LRP1: variants seen among roughly 807,000 people sequenced by gnomAD.
LRP1 encodes LDL receptor related protein 1.
Under a neutral mutation model 541.5 loss-of-function variants are expected in LRP1, and 51 were observed. The observed-to-expected ratio is 0.09, with a 90% confidence interval of 0.08 to 0.12. The LOEUF is 0.12. Among genes scored for constraint, LRP1 ranks in the 10% least tolerant of loss-of-function variants. The pLI, the probability that LRP1 is intolerant of heterozygous loss-of-function variation, is 1.00. For synonymous variants in LRP1, 2,219 were observed against 2,470.8 expected (o/e 0.90, Z 3.02); for missense variants, 3,878 against 6,376.2 (o/e 0.61, Z 13.34).
chr12:57,200,327 C>G, intron 62 of LRP1, 115 bp from the exon 63 acceptor site: 1 of 729,324 alleles, frequency 1.4e-6, no homozygotes, highest in Non-Finnish European at 2.4e-6. Context: ...CCAACCTGCC[C>G]CATAACACCC....
rs771966239 is a variant in LRP1, at chr12:57,173,727, AG to A, written c.3347-48del. 22 of 1,577,012 alleles carry A rather than the reference AG, an allele frequency of 1.4e-5. No individual in the cohort carries two copies. Among genetic ancestry groups the A allele is most frequent in the Non-Finnish European group, 1.7e-5 (20 of 1,146,892 alleles). On this transcript the variant is annotated intron_variant, in intron 21 of 88. Coordinates refer to ENST00000243077, the MANE Select transcript of LRP1 (RefSeq NM_002332.3). The surrounding 1 kb of genome is among the most constrained non-coding windows in gnomAD (Gnocchi z 4.7). The stretch of plus-strand genomic sequence containing the variant: ...GCCCACAGGGTCTGGAAGGAAGGGC[AG>A]GGGGAGCCCCAGTCCCCGGGCCTGG...
intron 44 of LRP1, among the ~76,000 whole-genome samples, chr12:57,192,628 C>G (rs769995299): frequency 4.6e-5 from 7 of 152,366 alleles, no homozygotes; most frequent in Non-Finnish European, 7.3e-5. Flanking sequence ...TAAAAGCACA[C>G]ACATCCTCAA....
At chr12:57,144,375 C>A (rs2035355572) in intron 4 of LRP1, among the ~76,000 whole-genome samples, 1 of 152,160 alleles carries the variant, frequency 6.6e-6, no homozygotes, top group South Asian at 2.1e-4. Context: ...ACTTTTACCA[C>A]AGTTTACTTG....
Position 57,201,688 on chromosome 12 carries a change from A to AC in LRP1, c.10468+74dup. 1 of 1,593,302 alleles carries AC rather than the reference A, an allele frequency of 6.3e-7. No individual in the cohort carries two copies. The highest frequency in any genetic ancestry group is 1.7e-5 in the Admixed American group (1 of 59,244). ...GCTGCTCACACCACCCCGACGTGTG[A>AC]CCCCCTCAGTGGCTGCTCCCTCACT... On this transcript the variant is annotated intron_variant, in intron 66 of 88. Transcript: ENST00000243077. The surrounding 1 kb of genome is among the most constrained non-coding windows in gnomAD (Gnocchi z 6.4).
At chr12:57,142,079 G>A (rs1307672213) in intron 3 of LRP1, among the ~76,000 whole-genome samples, 1 of 152,144 alleles carries the variant, frequency 6.6e-6, no homozygotes, top group Admixed American at 6.5e-5. Context: ...GGCCGAGGTG[G>A]GAACATTAGG....
rs1348124589 is a variant in LRP1, at chr12:57,145,391, G to A, written c.742G>A (p.Gly248Arg). Residue 248 changes from glycine to arginine, a missense_variant, in exon 6 of 89, where the codon GGG (glycine) becomes AGG (arginine). Coordinates refer to ENST00000243077, the MANE Select transcript of LRP1 (RefSeq NM_002332.3). ...ANETVCWVHV[G>R]DSAAQTQLKC... is the part of the protein sequence containing the mutation. ...CGAGACCGTATGCTGGGTGCATGTTGGGGACAGTGCTGCTCAGACGCAGCT... is the reference window on the plus strand; with the variant it reads ...CGAGACCGTATGCTGGGTGCATGTTAGGGACAGTGCTGCTCAGACGCAGCT... 2 of 1,614,050 alleles carry A rather than the reference G, an allele frequency of 1.2e-6. No individual in the cohort carries two copies.
At chr12:57,134,704 T>G (rs1246505480) in intron 1 of LRP1, among the ~76,000 whole-genome samples, 1 of 151,780 alleles carries the variant, frequency 6.6e-6, no homozygotes, top group African/African-American at 2.4e-5. Flanking sequence ...CCTTTCTTTC[T>G]TTCTTTTTTT....
At position 57,210,773 on chromosome 12, in the gene LRP1, GGTGT is replaced by G; in HGVS notation, c.12814_12817del (p.Cys4272ArgfsTer69). On this transcript the variant is annotated frameshift_variant, in exon 83 of 89. Transcript: ENST00000243077. LOFTEE classifies it high-confidence loss of function. ...TCACGGGCCCCAAATGCACCCAGCA[GGTGT>G]GTGCGGGCTACTGTGCCAACAACAG... The G allele has an allele frequency of 6.2e-7, 1 of 1,613,082 alleles. No homozygotes were observed. Among genetic ancestry groups the G allele is most frequent in the Non-Finnish European group, 8.5e-7 (1 of 1,179,466 alleles).
rs1393766278 is a variant in LRP1, at chr12:57,209,776, A to G, written c.12347A>G (p.His4116Arg). 6.2e-7 allele frequency: 1 copy of G among 1,614,224 alleles called. No individual in the cohort carries two copies. Among genetic ancestry groups the G allele is most frequent in the Non-Finnish European group, 8.5e-7 (1 of 1,180,030 alleles). The change falls in exon 80 of 89, where the codon CAT (histidine) becomes CGT (arginine). Residue 4116 changes from histidine (H) to arginine (R), a missense_variant. Physicochemically the swap from His to Arg is conservative, Grantham distance 29 (BLOSUM62 0). Transcript: ENST00000243077. ...TYINNRVFKI[H>R]KFGHSPLVNL... ...ATCAATAATCGTGTCTTCAAGATCC[A>G]TAAGTTTGGCCACAGCCCCTTGGTC...
At chr12:57,145,570 C>G in intron 6 of LRP1, 80 bp downstream of exon 6, 1 of 1,534,068 alleles carries the variant, frequency 6.5e-7, no homozygotes, top group South Asian at 1.2e-5. Flanking sequence ...GAACAGAGGC[C>G]GGGAGTTACA....
chr12:57,199,188 T>C (rs1436181561), intron 60 of LRP1, 24 bp from the exon 61 acceptor site: 2 of 1,606,976 alleles, frequency 1.2e-6, no homozygotes, highest in Non-Finnish European at 1.7e-6. Flanking sequence ...TGACTGGCAC[T>C]GTGCCTGCCC....
At chr12:57,209,651 A>C in intron 79 of LRP1, 41 bp from the exon 80 acceptor site, 1 of 1,582,208 alleles carries the variant, frequency 6.3e-7, no homozygotes, top group Non-Finnish European at 8.7e-7. Flanking sequence ...CCAGGGCCTG[A>C]GTGCCCCTCA....
rs1426485669 is a variant in LRP1, at chr12:57,145,438, C to A, written c.789C>A (p.Gly263=). Reference sequence around the variant, plus strand: ...AGCTCAAGTGTGCCCGCATGCCTGGCCTAAAGGGCTTCGTGGATGAGCACA... The same window carrying A: ...AGCTCAAGTGTGCCCGCATGCCTGGACTAAAGGGCTTCGTGGATGAGCACA... ...QTQLKCARMP[G]LKGFVDEHTI... Residue 263 remains glycine, a synonymous_variant, in exon 6 of 89, where the codon GGC becomes GGA. Coordinates refer to ENST00000243077, the MANE Select transcript of LRP1 (RefSeq NM_002332.3). 2 of 1,614,098 alleles carry A rather than the reference C, an allele frequency of 1.2e-6. No individual in the cohort carries two copies. Among genetic ancestry groups the A allele is most frequent in the Non-Finnish European group, 1.7e-6 (2 of 1,180,012 alleles).
At chr12:57,130,908 C>T (rs966131932) in intron 1 of LRP1, among the ~76,000 whole-genome samples, 1 of 152,130 alleles carries the variant, frequency 6.6e-6, no homozygotes, top group African/African-American at 2.4e-5. Flanking sequence ...CAGGAGAGGA[C>T]CCCTCCCCAA....
rs569319651 is a variant in LRP1 at position 57,151,763 on chromosome 12, A to G, written c.842-2445A>G. Among the ~76,000 whole-genome samples, 544 of 151,814 alleles carry G rather than the reference A, an allele frequency of 3.6e-3. 2 individuals are homozygous for G. Among genetic ancestry groups the G allele is most frequent in the African/African-American group, 0.013 (519 of 41,470 alleles). ...TGGCCTTGGAGTGGTGGCCAAGTGTATGTGTGTGTGTGTGATTGTGCGTGC... is the reference window on the plus strand; with the variant it reads ...TGGCCTTGGAGTGGTGGCCAAGTGTGTGTGTGTGTGTGTGATTGTGCGTGC... On this transcript the variant is annotated intron_variant, in intron 6 of 88. Transcript: ENST00000243077.
Position 57,181,204 on chromosome 12 carries a change from C to T in LRP1, c.5575C>T (p.Gln1859Ter). 1 of 1,613,846 alleles carries T rather than the reference C, an allele frequency of 6.2e-7. No individual in the cohort carries two copies. Among genetic ancestry groups the T allele is most frequent in the Non-Finnish European group, 8.5e-7 (1 of 1,180,038 alleles). Reference sequence around the variant, plus strand: ...CAGTGTCAACAACGGTGACTGCTCCCAGCTCTGCCTGCCCACGTCAGAGAC... The same window carrying T: ...CAGTGTCAACAACGGTGACTGCTCCTAGCTCTGCCTGCCCACGTCAGAGAC... The part of the protein sequence containing the change: ...PCSVNNGDCS[Q>*]LCLPTSETTR... Residue 1859 changes from glutamine to a stop codon, truncating the protein, a stop_gained, in exon 34 of 89, where the codon CAG (glutamine) becomes TAG (stop). Transcript: ENST00000243077. LOFTEE classifies it high-confidence loss of function.
chr12:57,201,177 G>A lies in LRP1; in HGVS notation c.10345+24G>A, dbSNP rs1234219172. ...CCGTGAGTGTCAGAGGTGGTGGTGG[G>A]CCGGTGGTGGGAGATGACACGGAAG... On this transcript the variant is annotated intron_variant, in intron 65 of 88. Coordinates refer to ENST00000243077, the MANE Select transcript of LRP1 (RefSeq NM_002332.3). The surrounding 1 kb of genome is among the most constrained non-coding windows in gnomAD (Gnocchi z 6.4). 1.2e-6 allele frequency: 2 copies of A among 1,612,908 alleles called. No homozygotes were observed. The highest frequency in any genetic ancestry group is 1.7e-6 in the Non-Finnish European group (2 of 1,179,082).
At chr12:57,135,736 C>T (rs1290438518) in intron 1 of LRP1, among the ~76,000 whole-genome samples, 3 of 152,196 alleles carry the variant, frequency 2.0e-5, no homozygotes, top group Non-Finnish European at 1.5e-5. Context: ...CCCCTCCCTG[C>T]AAGAGCACAT....
At chr12:57,202,636 C>T (rs2036681616) in intron 68 of LRP1, 99 bp downstream of exon 68, 5 of 949,156 alleles carry the variant, frequency 5.3e-6, no homozygotes, top group Admixed American at 2.0e-5. Context: ...TGGTGGCCAC[C>T]TCCCAGGGTG....
Sources: allele counts gnomAD v4.1 joint callset (sites outside exome capture counted in the v4.1 genomes callset), GRCh38; gene constraint gnomAD v4.1.1; non-coding constraint Gnocchi (gnomAD v3.1); transcripts MANE v1.5; gene names NCBI Gene and HGNC (gene_info 2026-07-23, HGNC 2026-07-21).